Variants in RNF180 observed in about 807,000 individuals in gnomAD.
RNF180 encodes ring finger protein 180.
A neutral mutation model predicts 59.2 loss-of-function variants in RNF180; 38 were observed. The ratio of observed to expected loss-of-function variants is 0.64; its 90% confidence interval spans 0.50 to 0.84. The LOEUF (loss-of-function observed/expected upper bound fraction) is 0.84, where lower values mean the gene tolerates loss of function less well. Ranked by LOEUF, RNF180 falls within the 40% of genes least tolerant of loss-of-function variation. The probability of loss-of-function intolerance (pLI) is 0.00; values close to 1 mark genes in which losing one functional copy is unlikely to be tolerated. For missense variants in RNF180, 705 were observed against 700.9 expected, an observed-to-expected ratio of 1.01 and a Z score of -0.07; for synonymous variants, 262 against 240.3, an observed-to-expected ratio of 1.09 and a Z score of -0.84.
chr5:64,225,185 T>C (rs1262248597), intron 5 of RNF180, among the ~76,000 whole-genome samples: 4 of 152,254 alleles, frequency 2.6e-5, no homozygotes, highest in Admixed American at 6.5e-5. Flanking sequence ...CTGAGCTTAG[T>C]GCTAGCTGTG....
intron 7 of RNF180, among the ~76,000 whole-genome samples, chr5:64,347,576 C>G (rs531769583): frequency 1.3e-5 from 2 of 152,136 alleles, no homozygotes; most frequent in South Asian, 4.1e-4. Flanking sequence ...TTCATTGTTG[C>G]AGTGCACATG....
chr5:64,235,959 A>T (rs761918075), intron 5 of RNF180, among the ~76,000 whole-genome samples: 3 of 152,208 alleles, frequency 2.0e-5, no homozygotes, highest in Admixed American at 6.5e-5. Flanking sequence ...CCCAGGTAGT[A>T]CATTTATAGC....
At chr5:64,324,798 G>A (rs899183523) in intron 5 of RNF180, among the ~76,000 whole-genome samples, 1 of 152,132 alleles carries the variant, frequency 6.6e-6, no homozygotes, top group Admixed American at 6.5e-5. Context: ...ATGCATGGAT[G>A]CTCATATTAA....
chr5:64,223,480 A>G (rs1198242486), intron 5 of RNF180, among the ~76,000 whole-genome samples: 2 of 152,058 alleles, frequency 1.3e-5, no homozygotes, highest in Admixed American at 1.3e-4. Flanking sequence ...TGAGTGCATT[A>G]TTTCATTTAA....
intron 1 of RNF180, among the ~76,000 whole-genome samples, chr5:64,167,138 T>G (rs1476125472): frequency 6.6e-6 from 1 of 152,206 alleles, no homozygotes; most frequent in Non-Finnish European, 1.5e-5. Flanking sequence ...CCAAAGATAC[T>G]TTGGTGACAA....
chr5:64,257,327 T>C (rs1442503002), intron 5 of RNF180, among the ~76,000 whole-genome samples: 2 of 152,220 alleles, frequency 1.3e-5, no homozygotes, highest in African/African-American at 2.4e-5. Context: ...CAGTATGATA[T>C]TGGCTGTGGG....
chr5:64,245,071 C>T (rs4254859), intron 5 of RNF180, among the ~76,000 whole-genome samples: 42,907 of 152,134 alleles, frequency 0.28, 6,245 homozygotes, highest in African/African-American at 0.34. Flanking sequence ...GCCTGCCTTA[C>T]AAGTGCTCCT....
intron 5 of RNF180, among the ~76,000 whole-genome samples, chr5:64,224,153 A>G (rs1741529133): frequency 6.6e-6 from 1 of 151,910 alleles, no homozygotes; most frequent in African/African-American, 2.4e-5. Context: ...AACTATTGAA[A>G]GGAAGAGAGG....
intron 5 of RNF180, among the ~76,000 whole-genome samples, chr5:64,270,996 A>T (rs1446982949): frequency 6.6e-6 from 1 of 152,100 alleles, no homozygotes; most frequent in Non-Finnish European, 1.5e-5. Context: ...TTAGTCATTG[A>T]TTCCTACTAG....
intron 1 of RNF180, among the ~76,000 whole-genome samples, chr5:64,175,617 A>G (rs1350183825): frequency 6.6e-6 from 1 of 152,120 alleles, no homozygotes; most frequent in Admixed American, 6.5e-5. Flanking sequence ...GTGGTTCTGT[A>G]TGAATTTTAG....
At chr5:64,177,545 A>G (rs62372466) in intron 1 of RNF180, among the ~76,000 whole-genome samples, 1 of 48,640 alleles carries the variant, frequency 2.1e-5, no homozygotes, top group African/African-American at 9.6e-5. Context: ...ATATATATAT[A>G]TATATATATA....
intron 7 of RNF180, among the ~76,000 whole-genome samples, chr5:64,337,080 G>C (rs1413357874): frequency 6.6e-6 from 1 of 151,508 alleles, no homozygotes; most frequent in South Asian, 2.1e-4. Flanking sequence ...CTGGAGTGCA[G>C]TGGTATGATC....
At chr5:64,264,565 C>CT (rs1319321911) in intron 5 of RNF180, among the ~76,000 whole-genome samples, 3 of 152,058 alleles carry the variant, frequency 2.0e-5, no homozygotes, top group Admixed American at 1.3e-4. Flanking sequence ...TGAACTGATT[C>CT]TTTTTTGTGG....
intron 5 of RNF180, among the ~76,000 whole-genome samples, chr5:64,252,263 G>A (rs1743628181): frequency 6.6e-6 from 1 of 152,068 alleles, no homozygotes; most frequent in African/African-American, 2.4e-5. Flanking sequence ...AAGGTGCCAA[G>A]AACACACAAC....
At chr5:64,335,015 C>T (rs1413139310) in intron 7 of RNF180, among the ~76,000 whole-genome samples, 1 of 152,142 alleles carries the variant, frequency 6.6e-6, no homozygotes, top group Non-Finnish European at 1.5e-5. Context: ...GCTTTGTCTA[C>T]CACATTTGGT....
Position 64,214,324 on chromosome 5 carries a change from T to A in RNF180, c.998T>A (p.Met333Lys). The A allele has an allele frequency of 6.2e-7, 1 of 1,614,056 alleles. No individual in the cohort carries two copies. The highest frequency in any genetic ancestry group is 8.5e-7 in the Non-Finnish European group (1 of 1,179,998). Reference sequence around the variant, plus strand: ...AATACTAACAATCTGACTTTCCTGATGGACCTGCCCTCAGCTGGCAGGAGC... The same window carrying A: ...AATACTAACAATCTGACTTTCCTGAAGGACCTGCCCTCAGCTGGCAGGAGC... ...HTNTNNLTFL[M>K]DLPSAGRSMP... The change falls in exon 4 of 8, where the codon ATG (methionine) becomes AAG (lysine). Residue 333 changes from methionine to lysine, a missense_variant. Transcript: ENST00000389100.
chr5:64,366,533 A>G (rs1481112251), intron 7 of RNF180, among the ~76,000 whole-genome samples: 3 of 151,530 alleles, frequency 2.0e-5, no homozygotes, highest in East Asian at 1.9e-4. Flanking sequence ...ATCTCCTGTA[A>G]TATGTTTTCC....
At chr5:64,349,935 T>A (rs147410041) in intron 7 of RNF180, among the ~76,000 whole-genome samples, 3,319 of 152,136 alleles carry the variant, frequency 0.022, 61 homozygotes, top group Middle Eastern at 0.065. Context: ...TGATTTATAA[T>A]CCTTTGGGTA....
At chr5:64,196,685 G>C (rs1433232656) in intron 1 of RNF180, among the ~76,000 whole-genome samples, 1 of 151,914 alleles carries the variant, frequency 6.6e-6, no homozygotes, top group Non-Finnish European at 1.5e-5. Flanking sequence ...TTTATAAATA[G>C]TTTGGTTCAT....
Sources: gnomAD v4.1 joint callset for allele counts (sites outside exome capture counted in the v4.1 genomes callset) on GRCh38, gnomAD v4.1.1 for gene constraint, MANE v1.5 for transcripts, NCBI Gene and HGNC (gene_info 2026-07-23, HGNC 2026-07-21) for gene names.